The following WDPCP variants were observed in gnomAD, a reference collection of about 807,000 sequenced individuals.
WDPCP encodes the protein WD repeat-containing and planar cell polarity effector protein fritz homolog.
Under a neutral mutation model 93.1 loss-of-function variants are expected in WDPCP, and 71 were observed. That is an observed-to-expected ratio of 0.76 (90% CI 0.63 to 0.93). WDPCP has a LOEUF of 0.93. Ranked by LOEUF, WDPCP falls within the 40% of genes least tolerant of loss-of-function variation. The probability of loss-of-function intolerance (pLI) is 0.00; values close to 1 mark genes in which losing one functional copy is unlikely to be tolerated. For missense variants in WDPCP, 844 were observed against 887.4 expected (o/e 0.95, Z 0.62); for synonymous variants, 315 against 315.0 (o/e 1.00, Z 0.00).
chr2:63,426,615 C>A (rs1369560076), intron 9 of WDPCP, among the ~76,000 whole-genome samples: 1 of 152,168 alleles, frequency 6.6e-6, no homozygotes, highest in East Asian at 1.9e-4. Context: ...ACATAGCCCA[C>A]AAATACTATA....
chr2:63,551,160 T>C (rs970414559), intron 1 of WDPCP, among the ~76,000 whole-genome samples: 4 of 152,224 alleles, frequency 2.6e-5, no homozygotes. Flanking sequence ...AAATTCATCA[T>C]TTCTTATGTA....
intron 2 of WDPCP, among the ~76,000 whole-genome samples, chr2:63,787,418 T>C (rs572599354): frequency 4.2e-4 from 64 of 152,266 alleles, no homozygotes; most frequent in Non-Finnish European, 7.1e-4. Context: ...CTGGTAAAAC[T>C]ACTGGACAAA....
At chr2:63,706,240 A>T (rs1393126287) in intron 2 of WDPCP, among the ~76,000 whole-genome samples, 3 of 151,864 alleles carry the variant, frequency 2.0e-5, no homozygotes, top group Non-Finnish European at 4.4e-5. Flanking sequence ...ATGGGTCTTG[A>T]CTCTATCCAA....
chr2:63,271,622 C>T (rs978290142), intron 13 of WDPCP, among the ~76,000 whole-genome samples: 1 of 152,168 alleles, frequency 6.6e-6, no homozygotes, highest in African/African-American at 2.4e-5. Context: ...ACAGGCCTGC[C>T]CTGCCCACTG....
chr2:63,318,241 G>C (rs2104057852), intron 12 of WDPCP, among the ~76,000 whole-genome samples: 1 of 152,220 alleles, frequency 6.6e-6, no homozygotes, highest in African/African-American at 2.4e-5. Context: ...AGTCAGAATG[G>C]CTATTATTAA....
chr2:63,134,615 G>A (rs1393493071), intron 17 of WDPCP, among the ~76,000 whole-genome samples: 1 of 152,162 alleles, frequency 6.6e-6, no homozygotes, highest in Non-Finnish European at 1.5e-5. Flanking sequence ...AGAACATTTT[G>A]TTCTTGGTAT....
Position 63,174,823 on chromosome 2 carries a change from C to G in WDPCP, c.1925G>C (p.Gly642Ala), listed in dbSNP as rs1673679644. The change falls in exon 15 of 18, where the codon GGA (glycine) becomes GCA (alanine). Residue 642 changes from glycine (G) to alanine (A), a missense_variant. Physicochemically the swap from Gly to Ala is moderately conservative, Grantham distance 60. Coordinates refer to ENST00000272321, the MANE Select transcript of WDPCP (RefSeq NM_015910.7). Reference protein sequence around the residue: ...ESITSGVELLGPLDRGDMLNE... With the variant: ...ESITSGVELLAPLDRGDMLNE... ...TAGCATATCCCCTCTGTCCAAGGGT[C>G]CCAGGAGTTCTGTTGAAAATGATTA... The G allele has an allele frequency of 1.2e-6, 2 of 1,613,594 alleles. No homozygotes were observed. Among genetic ancestry groups the G allele is most frequent in the East Asian group, 2.2e-5 (1 of 44,850 alleles).
chr2:63,625,011 A>C (rs1709795413), intron 3 of WDPCP, among the ~76,000 whole-genome samples: 1 of 152,242 alleles, frequency 6.6e-6, no homozygotes, highest in African/African-American at 2.4e-5. Flanking sequence ...CTGGGACACA[A>C]GGCTGGTTCC....
chr2:63,430,167 C>G (rs1036612799), intron 9 of WDPCP, among the ~76,000 whole-genome samples: 1 of 152,064 alleles, frequency 6.6e-6, no homozygotes, highest in Non-Finnish European at 1.5e-5. Context: ...GAGCTAAACA[C>G]TGGGTATACA....
intron 6 of WDPCP, among the ~76,000 whole-genome samples, chr2:63,477,052 T>G (rs952084613): frequency 6.6e-6 from 1 of 152,194 alleles, no homozygotes. Context: ...TAAATTTACA[T>G]GCACAATTCA....
chr2:63,486,126 A>G (rs1259968278), intron 4 of WDPCP, among the ~76,000 whole-genome samples: 1 of 151,790 alleles, frequency 6.6e-6, no homozygotes, highest in Admixed American at 6.6e-5. Context: ...CAACATACTT[A>G]TATACTGGAG....
intron 6 of WDPCP, among the ~76,000 whole-genome samples, chr2:63,482,728 G>T (rs1052504751): frequency 6.6e-6 from 1 of 151,888 alleles, no homozygotes; most frequent in Non-Finnish European, 1.5e-5. Flanking sequence ...CTGTGGGCAG[G>T]GTGGAGGTGA....
intron 1 of WDPCP, among the ~76,000 whole-genome samples, chr2:63,500,907 C>A (rs994180347): frequency 7.9e-5 from 12 of 152,068 alleles, no homozygotes; most frequent in African/African-American, 1.2e-4. Context: ...GTTCTAGCTC[C>A]CTTAGTGACA....
chr2:63,467,435 G>GCACTCCAT (rs1312535056), intron 6 of WDPCP, among the ~76,000 whole-genome samples: 9 of 151,770 alleles, frequency 5.9e-5, no homozygotes, highest in Non-Finnish European at 1.3e-4. Context: ...AGCCGAGATT[G>GCACTCCAT]CACTCCATCC....
At chr2:63,436,203 A>T (rs1251445151) in intron 8 of WDPCP, among the ~76,000 whole-genome samples, 1 of 152,104 alleles carries the variant, frequency 6.6e-6, no homozygotes, top group Non-Finnish European at 1.5e-5. Context: ...CCATTCTAGA[A>T]CTAACATCCC....
chr2:63,681,074 C>G (rs1465261370), intron 2 of WDPCP, among the ~76,000 whole-genome samples: 4 of 152,070 alleles, frequency 2.6e-5, no homozygotes, highest in African/African-American at 9.7e-5. Context: ...TGGGTGAGAC[C>G]GAGATGTACC....
intron 13 of WDPCP, among the ~76,000 whole-genome samples, chr2:63,305,186 A>T (rs1473934902): frequency 6.6e-6 from 1 of 152,112 alleles, no homozygotes; most frequent in Non-Finnish European, 1.5e-5. Flanking sequence ...AGACTTAAAC[A>T]TTCCTGCCTG....
intron 3 of WDPCP, among the ~76,000 whole-genome samples, chr2:63,621,873 C>T (rs1010498596): frequency 1.7e-5 from 1 of 59,330 alleles, no homozygotes; most frequent in African/African-American, 8.8e-5. Context: ...CAATATTCAA[C>T]ATTCTTTTTT....
chr2:63,389,716 T>C (rs1693058424), intron 10 of WDPCP, among the ~76,000 whole-genome samples: 1 of 151,592 alleles, frequency 6.6e-6, no homozygotes, highest in Non-Finnish European at 1.5e-5. Context: ...ACCAAGCAAA[T>C]AGAAAGCAAA....
Sources: allele counts gnomAD v4.1 joint callset (sites outside exome capture counted in the v4.1 genomes callset), GRCh38; gene constraint gnomAD v4.1.1; transcripts MANE v1.5; gene names NCBI Gene and HGNC (gene_info 2026-07-23, HGNC 2026-07-21).